The following IQSEC3 variants were observed in gnomAD, a reference collection of about 807,000 sequenced individuals.
The protein encoded by IQSEC3 is IQ motif and Sec7 domain ArfGEF 3.
In IQSEC3, 50 loss-of-function variants were observed where a neutral mutation model predicts 105.4. The ratio of observed to expected loss-of-function variants is 0.47; its 90% confidence interval spans 0.38 to 0.60. The LOEUF is 0.60. IQSEC3 is among the 20% of genes least tolerant of loss of function. IQSEC3 has a pLI of 0.00. For synonymous variants in IQSEC3, 708 were observed against 746.0 expected (o/e 0.95, Z 0.83); for missense variants, 1,415 against 1,630.0 (o/e 0.87, Z 2.27).
In IQSEC3 at chr12:125,717, C is replaced by T; in HGVS notation, c.708C>T (p.Ala236=). Residue 236 remains alanine (A), a synonymous_variant, in exon 3 of 14, where the codon GCC becomes GCT. Coordinates refer to ENST00000538872, the MANE Select transcript of IQSEC3 (RefSeq NM_001170738.2). ...CGGTGGCAGCCGGCAGACCCAGTGC[C>T]CATGCCCCGAAGGCTCAAGCCCAGG... The part of the protein sequence containing the change: ...AAAVAAGRPS[A]HAPKAQAQEL... 7.8e-6 allele frequency: 12 copies of T among 1,533,938 alleles called. No homozygotes were observed. The highest frequency in any genetic ancestry group is 1.4e-5 in the African/African-American group (1 of 72,220).
intron 5 of IQSEC3, among the ~76,000 whole-genome samples, chr12:149,820 G>A (rs1441956519): frequency 1.3e-5 from 2 of 152,196 alleles, no homozygotes; most frequent in Admixed American, 6.5e-5. Flanking sequence ...GCACCAAAGT[G>A]GGGGCGTGAG....
In IQSEC3 at chr12:107,402, CTTTTTTTTTTTTTTT is replaced by C. The variant is rs58053657; in HGVS notation, c.623+8199_623+8213del. Reference sequence around the variant, plus strand: ...AGGTTTCCCTCCGGTAGTCTGTTTTCTTTTTTTTTTTTTTTTTTTTTTTTTGAGACGGAGTCTTGC... The same window carrying C: ...AGGTTTCCCTCCGGTAGTCTGTTTTCTTTTTTTTTTGAGACGGAGTCTTGC... On this transcript the variant is annotated intron_variant, in intron 2 of 13. Coordinates refer to ENST00000538872, the MANE Select transcript of IQSEC3 (RefSeq NM_001170738.2). Among the ~76,000 whole-genome samples, 5 of 75,994 alleles carry C rather than the reference CTTTTTTTTTTTTTTT, an allele frequency of 6.6e-5. No homozygotes were observed. In the South Asian group the frequency reaches 2.4e-3, roughly 37 times the overall value. 49.9% of individuals were successfully genotyped at this position (75,994 alleles called of 152,430 possible). A position where few individuals can be genotyped will look rare whatever the true frequency, so the allele number is the denominator to read the frequency against.
At chr12:114,290 G>A (rs1258188126) in intron 2 of IQSEC3, among the ~76,000 whole-genome samples, 1 of 152,214 alleles carries the variant, frequency 6.6e-6, no homozygotes, top group African/African-American at 2.4e-5. Context: ...CTCTGCTATG[G>A]CAAGCATGTT....
chr12:135,091 C>T (rs182985821), intron 3 of IQSEC3, among the ~76,000 whole-genome samples: 1 of 152,282 alleles, frequency 6.6e-6, no homozygotes, highest in East Asian at 1.9e-4. Flanking sequence ...GATCGTGCCA[C>T]TGCACTCCAG....
At chr12:158,393 T>C (rs1355023998) in intron 7 of IQSEC3, among the ~76,000 whole-genome samples, 1 of 152,210 alleles carries the variant, frequency 6.6e-6, no homozygotes, top group East Asian at 1.9e-4. Flanking sequence ...CTATCTCTTT[T>C]TTTAACTGGC....
chr12:79,773 G>T (rs1308662036), intron 1 of IQSEC3, among the ~76,000 whole-genome samples: 1 of 152,114 alleles, frequency 6.6e-6, no homozygotes, highest in Non-Finnish European at 1.5e-5. Flanking sequence ...ACAGTGAAAA[G>T]CATCGCCCCC....
chr12:70,294 T>C (rs1457381228), intron 1 of IQSEC3, among the ~76,000 whole-genome samples: 3 of 152,248 alleles, frequency 2.0e-5, no homozygotes, highest in Non-Finnish European at 2.9e-5. Flanking sequence ...AATGAATCAT[T>C]TAATTGCCAT....
intron 2 of IQSEC3, among the ~76,000 whole-genome samples, chr12:103,874 G>T (rs1864546211): frequency 7.4e-6 from 1 of 134,474 alleles, no homozygotes; most frequent in Non-Finnish European, 1.6e-5. Context: ...GCTCGGGAGG[G>T]GAGGCGGGGG....
At chr12:143,223 TG>T in intron 5 of IQSEC3, 1 of 152,666 alleles carries the variant, frequency 6.6e-6, no homozygotes, top group Non-Finnish European at 1.5e-5. Flanking sequence ...GGCTGGGGGC[TG>T]GGGGCTGGGC....
intron 1 of IQSEC3, among the ~76,000 whole-genome samples, chr12:84,919 TG>T (rs1194375404): frequency 1.3e-4 from 20 of 152,106 alleles, no homozygotes; most frequent in Admixed American, 1.3e-3. Context: ...TGCAGATGCC[TG>T]GGGTCAGGGG....
chr12:168,227 A>C, intron 11 of IQSEC3, among the ~76,000 whole-genome samples: 1 of 152,236 alleles, frequency 6.6e-6, no homozygotes, highest in Non-Finnish European at 1.5e-5. Flanking sequence ...CACTGAGAGA[A>C]GAACAAGAAG....
chr12:138,950 G>A lies in IQSEC3; in HGVS notation c.1587G>A (p.Gln529=), dbSNP rs1459676302. The A allele has an allele frequency of 2.5e-6, 4 of 1,574,502 alleles. No homozygotes were observed. Among genetic ancestry groups the A allele is most frequent in the Non-Finnish European group, 3.4e-6 (4 of 1,161,150 alleles). The part of the protein sequence containing the change: ...PAEPAAGKAE[Q]GETSGREAPE... ...AGCCCGCGGCGGGCAAGGCCGAGCA[G>A]GGCGAGACCTCTGGGCGGGAGGCCC... The change falls in exon 4 of 14, where the codon CAG becomes CAA. Residue 529 remains glutamine (Q), a synonymous_variant. Coordinates refer to ENST00000538872, the MANE Select transcript of IQSEC3 (RefSeq NM_001170738.2). The surrounding 1 kb of genome is among the most constrained non-coding windows in gnomAD (Gnocchi z 7.1).
chr12:106,047 A>G (rs1555077806), intron 2 of IQSEC3, among the ~76,000 whole-genome samples: 1 of 152,184 alleles, frequency 6.6e-6, no homozygotes, highest in African/African-American at 2.4e-5. Context: ...TCTCCCACCC[A>G]TGAGAGAGAG....
chr12:139,034 T>G lies in IQSEC3; in HGVS notation c.1671T>G (p.Ala557=). The part of the protein sequence containing the change: ...DASAEDSCAE[A]AASGAADGAT... Reference sequence around the variant, plus strand: ...CAGCCGAGGACTCATGCGCAGAGGCTGCGGCTAGTGGGGCGGCGGATGGGG... The same window carrying G: ...CAGCCGAGGACTCATGCGCAGAGGCGGCGGCTAGTGGGGCGGCGGATGGGG... Residue 557 remains alanine, a synonymous_variant, in exon 4 of 14, where the codon GCT becomes GCG. Coordinates refer to ENST00000538872, the MANE Select transcript of IQSEC3 (RefSeq NM_001170738.2). The G allele has an allele frequency of 6.7e-7, 1 of 1,496,054 alleles. No homozygotes were observed. Among genetic ancestry groups the G allele is most frequent in the Non-Finnish European group, 8.9e-7 (1 of 1,122,500 alleles). 92.7% of individuals were successfully genotyped at this position (1,496,054 alleles called of 1,614,324 possible).
chr12:93,465 A>G (rs1438764985), intron 1 of IQSEC3, among the ~76,000 whole-genome samples: 3 of 152,098 alleles, frequency 2.0e-5, no homozygotes, highest in Admixed American at 6.5e-5. Flanking sequence ...TCCATCTGCT[A>G]TGGTGGCAGT....
intron 13 of IQSEC3, 45 bp downstream of exon 13, chr12:171,206 C>A (rs782543878): frequency 6.2e-7 from 1 of 1,613,892 alleles, no homozygotes; most frequent in Non-Finnish European, 8.5e-7. Flanking sequence ...ACCCTGCCCC[C>A]TTGTTCTTCT....
chr12:125,953 G>A (rs999298371), intron 3 of IQSEC3, 41 bp downstream of exon 3: 61 of 1,514,018 alleles, frequency 4.0e-5, no homozygotes, highest in Admixed American at 8.1e-5. Flanking sequence ...GGTGGTGAAG[G>A]GGCCCTGCTT....
At chr12:169,178 C>A in intron 12 of IQSEC3, 73 bp downstream of exon 12, 1 of 1,242,002 alleles carries the variant, frequency 8.1e-7, no homozygotes. Context: ...GGGTCCTGGG[C>A]AATCTGCAGG....
At chr12:117,748 C>G (rs1865095485) in intron 2 of IQSEC3, among the ~76,000 whole-genome samples, 1 of 152,200 alleles carries the variant, frequency 6.6e-6, no homozygotes, top group African/African-American at 2.4e-5. Flanking sequence ...AGAACTTCTT[C>G]TCTCCTTGGG....
Sources: gnomAD v4.1 joint callset for allele counts (sites outside exome capture counted in the v4.1 genomes callset) on GRCh38, gnomAD v4.1.1 for gene constraint, Gnocchi (gnomAD v3.1) non-coding constraint, MANE v1.5 for transcripts, NCBI Gene and HGNC (gene_info 2026-07-23, HGNC 2026-07-21) for gene names.